The following PRKCE variants were observed in gnomAD, a reference collection of about 807,000 sequenced individuals.
PRKCE encodes protein kinase C epsilon type.
Under a neutral mutation model 85.4 loss-of-function variants are expected in PRKCE, and 16 were observed. The ratio of observed to expected loss-of-function variants is 0.19; its 90% CI spans 0.13 to 0.28. The LOEUF (loss-of-function observed/expected upper bound fraction) is 0.28. Among genes scored for constraint, PRKCE ranks in the 10% least tolerant of loss-of-function variants. The pLI is 1.00. For synonymous variants in PRKCE, 388 were observed against 371.5 expected (o/e 1.04, Z -0.51); for missense variants, 573 against 975.2 (o/e 0.59, Z 5.49).
At chr2:46,066,206 CAT>C (rs1168706282) in intron 10 of PRKCE, among the ~76,000 whole-genome samples, 2 of 152,292 alleles carry the variant, frequency 1.3e-5, no homozygotes, top group African/African-American at 2.4e-5. Flanking sequence ...GAAGGGGAAG[CAT>C]TTATAAACTT....
intron 10 of PRKCE, among the ~76,000 whole-genome samples, chr2:46,051,251 C>T (rs1477832126): frequency 6.6e-6 from 1 of 152,180 alleles, no homozygotes; most frequent in Non-Finnish European, 1.5e-5. Flanking sequence ...CAGAGCACCA[C>T]AAGTGGTAGC....
chr2:46,088,322 C>T (rs1251451101), intron 11 of PRKCE, among the ~76,000 whole-genome samples: 2 of 152,190 alleles, frequency 1.3e-5, no homozygotes, highest in Non-Finnish European at 2.9e-5. Context: ...CTTCTGCCCT[C>T]ATTTGCACCT....
intron 2 of PRKCE, among the ~76,000 whole-genome samples, chr2:45,958,335 C>G (rs1231155504): frequency 6.6e-6 from 1 of 151,450 alleles, no homozygotes; most frequent in Non-Finnish European, 1.5e-5. Context: ...TGGTGAAACT[C>G]TGTCTCTACT....
chr2:46,179,156 C>T (rs1318041134), intron 14 of PRKCE, among the ~76,000 whole-genome samples: 1 of 152,122 alleles, frequency 6.6e-6, no homozygotes, highest in Non-Finnish European at 1.5e-5. Flanking sequence ...TATGCCCCAG[C>T]CTGTAAGATC....
intron 1 of PRKCE, among the ~76,000 whole-genome samples, chr2:45,781,372 C>T (rs1484827967): frequency 1.3e-5 from 2 of 152,188 alleles, no homozygotes; most frequent in Non-Finnish European, 2.9e-5. Context: ...ACCTCTGACT[C>T]CTGCTTACCA....
intron 11 of PRKCE, among the ~76,000 whole-genome samples, chr2:46,118,088 T>C (rs993426024): frequency 2.0e-5 from 3 of 152,184 alleles, no homozygotes; most frequent in Admixed American, 6.5e-5. Context: ...GAAAAAATGT[T>C]GACCAATAGC....
intron 3 of PRKCE, among the ~76,000 whole-genome samples, chr2:45,977,054 G>A (rs1000610915): frequency 2.6e-5 from 4 of 151,886 alleles, no homozygotes; most frequent in Admixed American, 6.6e-5. Context: ...ACACGACCAC[G>A]CCTGGCTAAT....
intron 11 of PRKCE, among the ~76,000 whole-genome samples, chr2:46,130,506 GAA>G (rs990836229): frequency 6.6e-6 from 1 of 152,188 alleles, no homozygotes; most frequent in Non-Finnish European, 1.5e-5. Context: ...AGTTTTCACT[GAA>G]GTTTCAATTT....
At chr2:45,661,727 G>A (rs946065799) in intron 1 of PRKCE, among the ~76,000 whole-genome samples, 1 of 148,040 alleles carries the variant, frequency 6.8e-6, no homozygotes, top group African/African-American at 2.5e-5. Flanking sequence ...TTTTAGTAAG[G>A]AAGGGGTTTC....
intron 2 of PRKCE, among the ~76,000 whole-genome samples, chr2:45,961,225 C>T (rs957095027): frequency 6.6e-6 from 1 of 152,026 alleles, no homozygotes; most frequent in African/African-American, 2.4e-5. Flanking sequence ...AGTCACAATA[C>T]CTACCTCCTT....
intron 11 of PRKCE, among the ~76,000 whole-genome samples, chr2:46,126,281 G>A (rs1186416379): frequency 6.6e-6 from 1 of 152,170 alleles, no homozygotes; most frequent in Non-Finnish European, 1.5e-5. Flanking sequence ...ACTGTGCAGC[G>A]TGCTGGGGGG....
At chr2:46,011,069 A>G (rs1337963198) in intron 10 of PRKCE, 1 of 613,802 alleles carries the variant, frequency 1.6e-6, no homozygotes, top group Non-Finnish European at 2.3e-6. Context: ...ATAATCCATA[A>G]CTCCATGGTA....
intron 10 of PRKCE, among the ~76,000 whole-genome samples, chr2:46,046,630 C>T (rs1708539672): frequency 6.6e-6 from 1 of 152,170 alleles, no homozygotes; most frequent in Non-Finnish European, 1.5e-5. Context: ...ATTTTGGGTT[C>T]TTCCTGGTAA....
intron 2 of PRKCE, among the ~76,000 whole-genome samples, chr2:45,847,672 G>T (rs1048019648): frequency 3.3e-5 from 5 of 152,188 alleles, no homozygotes; most frequent in Non-Finnish European, 7.3e-5. Flanking sequence ...CACAATCCAG[G>T]TCCTGCTTCC....
intron 1 of PRKCE, among the ~76,000 whole-genome samples, chr2:45,809,940 T>A (rs1430021452): frequency 4.6e-5 from 7 of 151,906 alleles, no homozygotes; most frequent in Admixed American, 4.6e-4. Context: ...AAATCACAGA[T>A]AAAGGTCACC....
intron 1 of PRKCE, among the ~76,000 whole-genome samples, chr2:45,713,578 T>A (rs1679844680): frequency 6.6e-6 from 1 of 152,136 alleles, no homozygotes; most frequent in Admixed American, 6.5e-5. Flanking sequence ...CATTCTTCAT[T>A]TGAAGAAGGG....
chr2:46,140,228 C>T (rs1322217848), intron 11 of PRKCE, among the ~76,000 whole-genome samples: 1 of 152,050 alleles, frequency 6.6e-6, no homozygotes, highest in African/African-American at 2.4e-5. Context: ...GAAAAATAAA[C>T]AGGAATGGCC....
At chr2:45,669,383 G>GT (rs1479417698) in intron 1 of PRKCE, among the ~76,000 whole-genome samples, 1 of 152,214 alleles carries the variant, frequency 6.6e-6, no homozygotes, top group Non-Finnish European at 1.5e-5. Flanking sequence ...CATCAGGAAT[G>GT]TGTTTTAGAA....
intron 1 of PRKCE, among the ~76,000 whole-genome samples, chr2:45,667,071 G>A (rs1263614740): frequency 6.6e-6 from 1 of 152,156 alleles, no homozygotes; most frequent in African/African-American, 2.4e-5. Flanking sequence ...AGCACTTTGG[G>A]AGGCCGGGGC....
Sources: gnomAD v4.1 joint callset for allele counts (sites outside exome capture counted in the v4.1 genomes callset) on GRCh38, gnomAD v4.1.1 for gene constraint, MANE v1.5 for transcripts, NCBI Gene and HGNC (gene_info 2026-07-23, HGNC 2026-07-21) for gene names.